Variants in CNST observed in about 807,000 individuals in gnomAD.
The protein encoded by CNST is consortin.
In CNST, 39 loss-of-function variants were observed where a neutral mutation model predicts 72.4. The ratio of observed to expected loss-of-function variants is 0.54; its 90% CI spans 0.42 to 0.70. CNST has a LOEUF of 0.70. Ranked by LOEUF, CNST falls within the 30% of genes least tolerant of loss-of-function variation. The pLI, the probability that CNST is intolerant of heterozygous loss-of-function variation, is 0.00. For synonymous variants in CNST, 332 were observed against 320.1 expected, an observed-to-expected ratio of 1.04 and a Z score of -0.40; for missense variants, 871 against 868.5, an observed-to-expected ratio of 1.00 and a Z score of -0.04.
intron 6 of CNST, among the ~76,000 whole-genome samples, chr1:246,634,977 G>T (rs138337428): frequency 6.6e-6 from 1 of 151,904 alleles, no homozygotes; most frequent in Non-Finnish European, 1.5e-5. Context: ...GCCGGGGTGC[G>T]TGTCTTCCGG....
intron 2 of CNST, among the ~76,000 whole-genome samples, chr1:246,594,447 T>C (rs894768975): frequency 5.9e-5 from 9 of 152,190 alleles, no homozygotes; most frequent in Non-Finnish European, 1.2e-4. Flanking sequence ...TTAAACATTA[T>C]TTTCTATATC....
chr1:246,566,911 G>A (rs1471506026), intron 1 of CNST: 1 of 353,248 alleles, frequency 2.8e-6, no homozygotes, highest in Non-Finnish European at 5.1e-6. Flanking sequence ...CTCCCTAGGG[G>A]ACTAGCGCCA....
At chr1:246,588,309 C>CA (rs530624857) in intron 1 of CNST, among the ~76,000 whole-genome samples, 6 of 145,490 alleles carry the variant, frequency 4.1e-5, no homozygotes, top group Admixed American at 1.4e-4. Flanking sequence ...TGGGGAAGTA[C>CA]AAAAAAAAAG....
intron 2 of CNST, among the ~76,000 whole-genome samples, chr1:246,599,299 C>T (rs995544146): frequency 3.9e-5 from 6 of 152,142 alleles, no homozygotes; most frequent in Non-Finnish European, 8.8e-5. Flanking sequence ...TATTATCTTA[C>T]AGTTCTGTAG....
intron 2 of CNST, among the ~76,000 whole-genome samples, chr1:246,608,560 C>T (rs906621796): frequency 7.2e-5 from 11 of 152,126 alleles, no homozygotes; most frequent in Non-Finnish European, 1.5e-4. Flanking sequence ...ACTGATTGTG[C>T]CTTGATTAGA....
chr1:246,578,672 A>C (rs958097404), intron 1 of CNST, among the ~76,000 whole-genome samples: 4 of 152,148 alleles, frequency 2.6e-5, no homozygotes, highest in African/African-American at 9.7e-5. Context: ...CCGTTTCAAA[A>C]AAAAAAAAAC....
intron 6 of CNST, among the ~76,000 whole-genome samples, chr1:246,637,952 A>C (rs1665404184): frequency 6.6e-6 from 1 of 152,152 alleles, no homozygotes; most frequent in Admixed American, 6.5e-5. Context: ...AATCTTGCCC[A>C]GGTACCTGGC....
At chr1:246,631,830 T>C (rs946296181) in intron 3 of CNST, 64 bp from the exon 4 acceptor site, 5 of 1,008,138 alleles carry the variant, frequency 5.0e-6, no homozygotes, top group Non-Finnish European at 7.7e-6. Context: ...TTAATTTGTT[T>C]CAAATTTATC....
At chr1:246,582,427 C>A (rs1310642680) in intron 1 of CNST, among the ~76,000 whole-genome samples, 1 of 151,676 alleles carries the variant, frequency 6.6e-6, no homozygotes. Flanking sequence ...CGGCTCCCTG[C>A]AACCTCCGCC....
chr1:246,647,893 C>T lies in CNST; in HGVS notation c.1692C>T (p.Ser564=). Residue 564 remains serine, a synonymous_variant, in exon 9 of 11, where the codon TCC becomes TCT. Transcript: ENST00000366513. ...GCLKDTEDSL[S]YEDNQDDDSD... ...TAAAAGATACTGAAGATTCCCTTTCCTATGAAGATAACCAAGACGACGACT... is the reference window on the plus strand; with the variant it reads ...TAAAAGATACTGAAGATTCCCTTTCTTATGAAGATAACCAAGACGACGACT... The T allele has an allele frequency of 1.9e-6, 3 of 1,613,998 alleles. No homozygotes were observed. Among genetic ancestry groups the T allele is most frequent in the Middle Eastern group, 1.6e-4 (1 of 6,062 alleles).
chr1:246,630,338 T>C (rs1376706958), intron 3 of CNST, among the ~76,000 whole-genome samples: 1 of 152,246 alleles, frequency 6.6e-6, no homozygotes, highest in Non-Finnish European at 1.5e-5. Flanking sequence ...CATACTACTT[T>C]TAAAACATAT....
In CNST at chr1:246,658,886, T is replaced by G. The variant is rs889157881; in HGVS notation, c.1837-1313T>G. Among the ~76,000 whole-genome samples the G allele has an allele frequency of 1.8e-4, 27 of 152,240 alleles. 1 individual carries two copies. Among genetic ancestry groups the G allele is most frequent in the Non-Finnish European group, 3.5e-4 (24 of 68,030 alleles). On this transcript the variant is annotated intron_variant, in intron 9 of 10. Transcript: ENST00000366513. ...CTGTTCAGGGGCCTTCGGCAAGGCC[T>G]CCTGCTTCCCAGCCTGGCTCTCCCA...
chr1:246,571,564 C>A (rs956153831), intron 1 of CNST, among the ~76,000 whole-genome samples: 1 of 152,184 alleles, frequency 6.6e-6, no homozygotes, highest in Non-Finnish European at 1.5e-5. Context: ...TTTTCATCAT[C>A]ATTAGCCACG....
At chr1:246,568,129 T>C (rs1452266346) in intron 1 of CNST, among the ~76,000 whole-genome samples, 1 of 151,576 alleles carries the variant, frequency 6.6e-6, no homozygotes, top group East Asian at 1.9e-4. Flanking sequence ...AGACTCTGTC[T>C]CCTTAAAAAA....
In CNST at chr1:246,574,262, C is replaced by T. The variant is rs1052163209; in HGVS notation, c.-52+7599C>T. Reference sequence around the variant, plus strand: ...TTCACCGTGTTAGCCAGGATGGTCTCGATCTCCTTACCTTGTGATCCGCCC... The same window carrying T: ...TTCACCGTGTTAGCCAGGATGGTCTTGATCTCCTTACCTTGTGATCCGCCC... On this transcript the variant is annotated intron_variant, in intron 1 of 10. Coordinates refer to ENST00000366513, the MANE Select transcript of CNST (RefSeq NM_152609.3). Among the ~76,000 whole-genome samples the T allele has an allele frequency of 5.3e-5, 8 of 152,212 alleles. No individual in the cohort carries two copies. The East Asian group carries it at 1.4e-3, about 26-fold the overall frequency.
intron 10 of CNST, among the ~76,000 whole-genome samples, chr1:246,661,439 T>C (rs1667099713): frequency 6.6e-6 from 1 of 152,200 alleles, no homozygotes; most frequent in South Asian, 2.1e-4. Context: ...CAGTGGACAA[T>C]TAATACTCCT....
intron 9 of CNST, among the ~76,000 whole-genome samples, chr1:246,658,492 G>A (rs1440012113): frequency 6.6e-6 from 1 of 151,802 alleles, no homozygotes; most frequent in African/African-American, 2.4e-5. Flanking sequence ...TGAGATAATG[G>A]TTTCTATAGA....
At chr1:246,633,208 G>T (rs959018046) in intron 4 of CNST, among the ~76,000 whole-genome samples, 4 of 152,154 alleles carry the variant, frequency 2.6e-5, no homozygotes, top group Non-Finnish European at 4.4e-5. Flanking sequence ...CCAGCAATTT[G>T]GGAGGCTGAG....
intron 10 of CNST, among the ~76,000 whole-genome samples, chr1:246,664,389 C>T (rs1013634224): frequency 6.6e-6 from 1 of 151,808 alleles, no homozygotes; most frequent in Non-Finnish European, 1.5e-5. Flanking sequence ...TGGTTTACAC[C>T]TGTTGTCCCG....
Sources: gnomAD v4.1 joint callset for allele counts (sites outside exome capture counted in the v4.1 genomes callset) on GRCh38, gnomAD v4.1.1 for gene constraint, MANE v1.5 for transcripts, NCBI Gene and HGNC (gene_info 2026-07-23, HGNC 2026-07-21) for gene names.